The following ALDH1L1 variants were observed in gnomAD, a reference collection of about 807,000 sequenced individuals.
ALDH1L1 encodes the protein aldehyde dehydrogenase 1 family member L1, also known as cytosolic 10-formyltetrahydrofolate dehydrogenase.
In ALDH1L1, 68 loss-of-function variants were observed where a neutral mutation model predicts 101.1. That is an observed-to-expected ratio of 0.67 (90% CI 0.55 to 0.82). ALDH1L1 has a LOEUF of 0.82. Among genes scored for constraint, ALDH1L1 ranks in the 40% least tolerant of loss-of-function variants. ALDH1L1 has a pLI of 0.00. For synonymous variants in ALDH1L1, 486 were observed against 470.8 expected (o/e 1.03, Z -0.42); for missense variants, 1,087 against 1,172.7 (o/e 0.93, Z 1.07).
In ALDH1L1 at chr3:126,191,204, A is replaced by C. The variant is rs2081551540; in HGVS notation, c.-24+6531T>G. 2.6e-5 allele frequency among the ~76,000 whole-genome samples: 4 copies of C among 152,214 alleles called. No homozygotes were observed. In the South Asian group the frequency reaches 8.3e-4, roughly 32 times the overall value. Reference sequence around the variant, plus strand: ...AGGCAAAAGGATTTCATTAGATGACAATCTACTTGCTGAAAAATGCTGAAT... The same window carrying C: ...AGGCAAAAGGATTTCATTAGATGACCATCTACTTGCTGAAAAATGCTGAAT... On this transcript the variant is annotated intron_variant, in intron 1 of 2. Transcript: ENST00000509952.
intron 12 of ALDH1L1, 85 bp from the exon 13 acceptor site, chr3:126,131,619 G>A: frequency 6.8e-7 from 1 of 1,465,984 alleles, no homozygotes; most frequent in Non-Finnish European, 9.2e-7. Flanking sequence ...TCAAGGAGCT[G>A]GGGTCCTGCC....
chr3:126,161,151 C>T, intron 1 of ALDH1L1, 149 bp from the exon 2 acceptor site: 2 of 850,514 alleles, frequency 2.4e-6, no homozygotes, highest in Non-Finnish European at 3.5e-6. Flanking sequence ...TGAGGGGAGA[C>T]TGCCACTGTA....
At chr3:126,114,024 C>T (rs1946161648) in intron 18 of ALDH1L1, among the ~76,000 whole-genome samples, 1 of 152,226 alleles carries the variant, frequency 6.6e-6, no homozygotes, top group African/African-American at 2.4e-5. Context: ...GCACTGCACC[C>T]ACGGCCACCG....
upstream of ALDH1L1, chr3:126,181,217 C>T: frequency 1.7e-6 from 1 of 599,714 alleles, no homozygotes; most frequent in Non-Finnish European, 3.0e-6. Context: ...AGATCCTGGC[C>T]AGCCCGGTCT....
At chr3:126,160,450 C>G (rs1559964937) in intron 2 of ALDH1L1, 2 of 180,452 alleles carry the variant, frequency 1.1e-5, no homozygotes, top group Non-Finnish European at 2.3e-5. Context: ...AAGTAGAGCA[C>G]TATGTGTTTT....
chr3:126,180,956 A>G, upstream of ALDH1L1: 1 of 1,610,918 alleles, frequency 6.2e-7, no homozygotes, highest in East Asian at 2.2e-5. Flanking sequence ...TTGATGGGCC[A>G]AGTACCTGCC....
intron 1 of ALDH1L1, among the ~76,000 whole-genome samples, chr3:126,169,381 G>A (rs1191807948): frequency 6.6e-6 from 1 of 152,130 alleles, no homozygotes; most frequent in Non-Finnish European, 1.5e-5. Flanking sequence ...TTGCATCAGT[G>A]CAATAAGAAT....
chr3:126,122,769 A>T (rs1027067166), intron 16 of ALDH1L1, among the ~76,000 whole-genome samples: 1 of 152,198 alleles, frequency 6.6e-6, no homozygotes, highest in South Asian at 2.1e-4. Flanking sequence ...TTTGATAAGT[A>T]TATGATAAGT....
chr3:126,146,768 A>C, intron 9 of ALDH1L1, 67 bp downstream of exon 9: 1 of 1,535,112 alleles, frequency 6.5e-7, no homozygotes, highest in Non-Finnish European at 8.9e-7. Context: ...CCTGCTGCTC[A>C]GTTTTGCAGA....
intron 1 of ALDH1L1, among the ~76,000 whole-genome samples, chr3:126,191,990 G>A (rs747371561): frequency 7.2e-5 from 11 of 152,164 alleles, no homozygotes; most frequent in Non-Finnish European, 1.3e-4. Context: ...TACAGTCCAG[G>A]TATACTTTGA....
intron 17 of ALDH1L1, 148 bp downstream of exon 17, chr3:126,117,856 TC>T (rs2080001896): frequency 1.3e-6 from 1 of 773,162 alleles, no homozygotes; most frequent in African/African-American, 1.7e-5. Flanking sequence ...GGCAGATGCC[TC>T]TTCAGCGTTT....
chr3:126,190,423 C>T (rs541686186), intron 1 of ALDH1L1, among the ~76,000 whole-genome samples: 39 of 152,324 alleles, frequency 2.6e-4, no homozygotes, highest in African/African-American at 5.3e-4. Flanking sequence ...CCCTTAACAA[C>T]GGAAGCTTCA....
intron 9 of ALDH1L1, among the ~76,000 whole-genome samples, chr3:126,144,905 A>T (rs2080643564): frequency 6.6e-6 from 1 of 152,230 alleles, no homozygotes; most frequent in African/African-American, 2.4e-5. Flanking sequence ...ATGGAATGCG[A>T]GAAAACTTCT....
intron 2 of ALDH1L1, 106 bp downstream of exon 2, chr3:126,160,747 A>C: frequency 6.6e-7 from 1 of 1,508,606 alleles, no homozygotes; most frequent in Non-Finnish European, 8.9e-7. Flanking sequence ...CAGCTAGAGC[A>C]CAGGCCCTGC....
chr3:126,178,396 GAAA>G (rs60923667), intron 1 of ALDH1L1, among the ~76,000 whole-genome samples: 1 of 123,468 alleles, frequency 8.1e-6, no homozygotes, highest in African/African-American at 2.9e-5. Context: ...AAAAAAAAAA[GAAA>G]AAAAAAAAAA....
Position 126,136,861 on chromosome 3 carries a change from C to A in ALDH1L1, c.1247G>T (p.Arg416Leu). 6.2e-7 allele frequency: 1 copy of A among 1,612,976 alleles called. No homozygotes were observed. The highest frequency in any genetic ancestry group is 8.5e-7 in the Non-Finnish European group (1 of 1,179,618). The part of the protein sequence containing the change: ...IDYVEMAVNK[R>L]TVRMPHQLFI... ...GAGCTGGTGGGGCATGCGGACAGTG[C>A]GCTTGTTCACTGCCATTTCCACCTG... The change falls in exon 11 of 23, where the codon CGC becomes CTC. Residue 416 changes from arginine (R) to leucine (L), a missense_variant. Coordinates refer to ENST00000393434, the MANE Select transcript of ALDH1L1 (RefSeq NM_012190.4).
chr3:126,186,551 C>A (rs2081519842), intron 1 of ALDH1L1, among the ~76,000 whole-genome samples: 1 of 152,154 alleles, frequency 6.6e-6, no homozygotes. Context: ...TGGAGAACTT[C>A]ATGGAACCCA....
rs146452953 is a variant in ALDH1L1 at position 126,196,818 on chromosome 3, C to G, written c.-24+917G>C. Among the ~76,000 whole-genome samples the G allele has an allele frequency of 8.7e-3, 1,331 of 152,312 alleles. 21 individuals carry two copies. The highest frequency in any genetic ancestry group is 0.03 in the African/African-American group (1,256 of 41,548). On this transcript the variant is annotated intron_variant, in intron 1 of 2. Coordinates refer to the ALDH1L1 transcript ENST00000509952. ...GTGTTAACCAGAAAGTACTCATTCT[C>G]TAAGCTTGGAATCAAACCCAGGCCA...
chr3:126,148,111 G>A (rs372669368), intron 8 of ALDH1L1, among the ~76,000 whole-genome samples: 76 of 152,252 alleles, frequency 5.0e-4, no homozygotes, highest in African/African-American at 9.4e-4. Flanking sequence ...ACCTGCTAGC[G>A]TCCAGGGCCC....
Sources: allele counts gnomAD v4.1 joint callset (sites outside exome capture counted in the v4.1 genomes callset), GRCh38; gene constraint gnomAD v4.1.1; transcripts MANE v1.5; gene names NCBI Gene and HGNC (gene_info 2026-07-23, HGNC 2026-07-21).